The following GRID2 variants were observed in gnomAD, a reference collection of about 807,000 sequenced individuals.
The protein encoded by GRID2 is glutamate ionotropic receptor delta type subunit 2.
In GRID2, 33 loss-of-function variants were observed where a neutral mutation model predicts 114.8. That is an observed-to-expected ratio of 0.29 (90% CI 0.22 to 0.38). The LOEUF (loss-of-function observed/expected upper bound fraction) is 0.38. GRID2 is among the 10% of genes least tolerant of loss of function. GRID2 has a pLI of 1.00. For missense variants in GRID2, 1,184 were observed against 1,257.7 expected, an observed-to-expected ratio of 0.94 and a Z score of 0.89; for synonymous variants, 505 against 449.9, an observed-to-expected ratio of 1.12 and a Z score of -1.55.
At chr4:92,915,676 T>C (rs1012848031) in intron 2 of GRID2, among the ~76,000 whole-genome samples, 1 of 152,108 alleles carries the variant, frequency 6.6e-6, no homozygotes, top group Non-Finnish European at 1.5e-5. Context: ...TAATTTACAC[T>C]CCCACCTACA....
chr4:92,685,308 A>G (rs1183457317), intron 2 of GRID2, among the ~76,000 whole-genome samples: 1 of 152,016 alleles, frequency 6.6e-6, no homozygotes, highest in African/African-American at 2.4e-5. Context: ...GCTCTTAGGA[A>G]TTTCCCGTGC....
At chr4:93,057,151 T>C (rs1727327126) in intron 2 of GRID2, among the ~76,000 whole-genome samples, 1 of 132,030 alleles carries the variant, frequency 7.6e-6, no homozygotes, top group African/African-American at 3.0e-5. Flanking sequence ...TGTGTGAGTG[T>C]GTATGTGTGT....
At chr4:93,322,134 T>C (rs976915832) in intron 8 of GRID2, among the ~76,000 whole-genome samples, 2 of 151,878 alleles carry the variant, frequency 1.3e-5, no homozygotes, top group African/African-American at 4.8e-5. Context: ...GCCATGTTGG[T>C]GTGCTGCACT....
At chr4:93,306,378 T>C (rs1755423582) in intron 8 of GRID2, 1 of 152,240 alleles carries the variant, frequency 6.6e-6, no homozygotes, top group Non-Finnish European at 1.5e-5. Flanking sequence ...TACACTATGT[T>C]GGAAATTGAT....
chr4:93,652,887 G>T (rs975904573), intron 14 of GRID2, among the ~76,000 whole-genome samples: 1 of 150,592 alleles, frequency 6.6e-6, no homozygotes, highest in African/African-American at 2.4e-5. Context: ...GGCAGCAAAT[G>T]AGCCTGGGAA....
At chr4:93,427,063 TTAG>T (rs1305660307) in intron 10 of GRID2, among the ~76,000 whole-genome samples, 1 of 152,008 alleles carries the variant, frequency 6.6e-6, no homozygotes, top group African/African-American at 2.4e-5. Flanking sequence ...GCAGTCAACA[TTAG>T]AAAATGACTA....
At position 92,883,084 on chromosome 4, in the gene GRID2, G is replaced by A. The variant is rs553957211; in HGVS notation, c.245-201911G>A. 4.6e-5 allele frequency among the ~76,000 whole-genome samples: 7 copies of A among 152,280 alleles called. No individual in the cohort carries two copies. The East Asian group carries it at 7.7e-4, about 17-fold the overall frequency. On this transcript the variant is annotated intron_variant, in intron 2 of 15. Coordinates refer to ENST00000282020, the MANE Select transcript of GRID2 (RefSeq NM_001510.4). ...AGCATTTAACCACAGTTGAACTTCC[G>A]TAATTACAGTCAGTCCTCTCAAACT...
At chr4:92,602,674 A>G (rs1487010431) in intron 2 of GRID2, among the ~76,000 whole-genome samples, 1 of 152,188 alleles carries the variant, frequency 6.6e-6, no homozygotes, top group Non-Finnish European at 1.5e-5. Context: ...CACGACTCCT[A>G]TTCAACATAG....
chr4:93,073,033 G>T (rs1728946259), intron 2 of GRID2, among the ~76,000 whole-genome samples: 1 of 152,184 alleles, frequency 6.6e-6, no homozygotes, highest in South Asian at 2.1e-4. Flanking sequence ...GTAACATAGT[G>T]TGAGCAGTTT....
At chr4:93,290,872 C>CTTT (rs56735687) in intron 8 of GRID2, among the ~76,000 whole-genome samples, 1,190 of 88,468 alleles carry the variant, frequency 0.013, 50 homozygotes, top group Middle Eastern at 0.028. Context: ...ATACAAGTTA[C>CTTT]TTTTTTTTTT....
At chr4:93,434,582 C>G (rs999078423) in intron 10 of GRID2, among the ~76,000 whole-genome samples, 13 of 152,136 alleles carry the variant, frequency 8.5e-5, no homozygotes, top group African/African-American at 3.1e-4. Flanking sequence ...GCCTTTATTT[C>G]CATTTTCCCC....
At chr4:93,019,814 G>A (rs1350058084) in intron 2 of GRID2, among the ~76,000 whole-genome samples, 1 of 151,812 alleles carries the variant, frequency 6.6e-6, no homozygotes. Flanking sequence ...GATATTAAAG[G>A]GTAACACATT....
intron 5 of GRID2, among the ~76,000 whole-genome samples, chr4:93,209,499 G>A (rs1743205479): frequency 6.6e-6 from 1 of 152,050 alleles, no homozygotes; most frequent in South Asian, 2.1e-4. Flanking sequence ...GTGTACTGTT[G>A]GTGGGTATTT....
At chr4:93,079,684 C>T (rs1032788936) in intron 2 of GRID2, among the ~76,000 whole-genome samples, 16 of 151,978 alleles carry the variant, frequency 1.1e-4, no homozygotes, top group Admixed American at 2.0e-4. Flanking sequence ...TTTCTGCACA[C>T]GGTTGTTATG....
intron 4 of GRID2, among the ~76,000 whole-genome samples, chr4:93,191,771 T>C (rs10516414): frequency 0.075 from 11,430 of 152,208 alleles, 456 homozygotes; most frequent in East Asian, 0.17. Context: ...TCAAGTAATA[T>C]GTAACTATCT....
At chr4:93,368,762 T>C (rs1159056943) in intron 8 of GRID2, among the ~76,000 whole-genome samples, 3 of 152,110 alleles carry the variant, frequency 2.0e-5, no homozygotes, top group Non-Finnish European at 4.4e-5. Context: ...ATGATCACAA[T>C]CATAAAATGG....
rs59397408 is a variant in GRID2 at position 93,578,587 on chromosome 4, A to ATTTTTTTTTTTTTTTTTTTTTTTTTTTTT, written c.2194-47658_2194-47657insTTTTTTTTTTTTTTTTTTTTTTTTTTTTT. 9.5e-5 allele frequency among the ~76,000 whole-genome samples: 8 copies of ATTTTTTTTTTTTTTTTTTTTTTTTTTTTT among 83,926 alleles called. 1 individual carries two copies. Among genetic ancestry groups the ATTTTTTTTTTTTTTTTTTTTTTTTTTTTT allele is most frequent in the African/African-American group, 3.1e-4 (6 of 19,318 alleles). 55.1% of individuals were successfully genotyped at this position (83,926 alleles called of 152,430 possible). A position where few individuals can be genotyped will look rare whatever the true frequency, so the allele number is the denominator to read the frequency against. ...AAAAGAACCTTGTCTTGTTTTTTGTATTTTTTTTTTTTTTTTTTTTTTTTG... is the reference window on the plus strand; with the variant it reads ...AAAAGAACCTTGTCTTGTTTTTTGTATTTTTTTTTTTTTTTTTTTTTTTTTTTTTTTTTTTTTTTTTTTTTTTTTTTTTG... On this transcript the variant is annotated intron_variant, in intron 13 of 15. Coordinates refer to ENST00000282020, the MANE Select transcript of GRID2 (RefSeq NM_001510.4).
In GRID2 at chr4:92,671,677, A is replaced by G. The variant is rs1480174881; in HGVS notation, c.244+81391A>G. ...AGTTAATTGTTGGAAGTGTTGCGTAAAAGTAGTCTAGGGAGGCAAATGTAC... is the reference window on the plus strand; with the variant it reads ...AGTTAATTGTTGGAAGTGTTGCGTAGAAGTAGTCTAGGGAGGCAAATGTAC... On this transcript the variant is annotated intron_variant, in intron 2 of 15. Transcript: ENST00000282020. Among the ~76,000 whole-genome samples, 4 of 152,238 alleles carry G rather than the reference A, an allele frequency of 2.6e-5. No homozygotes were observed. The East Asian group carries it at 7.7e-4, about 29-fold the overall frequency.
chr4:92,865,030 T>C (rs1262467000), intron 2 of GRID2, among the ~76,000 whole-genome samples: 2 of 152,192 alleles, frequency 1.3e-5, no homozygotes, highest in Admixed American at 1.3e-4. Context: ...CCTACAAAAC[T>C]TGTCTTTGTA....
Sources: gnomAD v4.1 joint callset for allele counts (sites outside exome capture counted in the v4.1 genomes callset) on GRCh38, gnomAD v4.1.1 for gene constraint, MANE v1.5 for transcripts, NCBI Gene and HGNC (gene_info 2026-07-23, HGNC 2026-07-21) for gene names.